HS6ST3: variants seen among roughly 807,000 people sequenced by gnomAD.
The protein encoded by HS6ST3 is heparan-sulfate 6-O-sulfotransferase 3.
Under a neutral mutation model 36.7 loss-of-function variants are expected in HS6ST3, and 12 were observed. The ratio of observed to expected loss-of-function variants is 0.33; its 90% CI spans 0.21 to 0.53. The LOEUF (loss-of-function observed/expected upper bound fraction) is 0.53, where lower values mean the gene tolerates loss of function less well. HS6ST3 is among the 20% of genes least tolerant of loss of function. The pLI is 0.95. For missense variants in HS6ST3, 584 were observed against 640.9 expected, an observed-to-expected ratio of 0.91 and a Z score of 0.96; for synonymous variants, 240 against 257.5, an observed-to-expected ratio of 0.93 and a Z score of 0.65.
intron 1 of HS6ST3, among the ~76,000 whole-genome samples, chr13:96,795,084 G>A (rs1877877161): frequency 6.6e-6 from 1 of 151,890 alleles, no homozygotes; most frequent in Non-Finnish European, 1.5e-5. Context: ...TAAAAAAATA[G>A]CTCACTGCCT....
intron 1 of HS6ST3, among the ~76,000 whole-genome samples, chr13:96,603,718 A>G (rs979260901): frequency 5.9e-5 from 9 of 152,200 alleles, no homozygotes; most frequent in Non-Finnish European, 4.4e-5. Flanking sequence ...TTTTAATGCA[A>G]TAATTTATAC....
intron 1 of HS6ST3, among the ~76,000 whole-genome samples, chr13:96,521,857 TCTG>T (rs1366402741): frequency 6.6e-6 from 1 of 152,200 alleles, no homozygotes; most frequent in Non-Finnish European, 1.5e-5. Context: ...CTCCTTCAGT[TCTG>T]CTCTAATCTT....
intron 1 of HS6ST3, among the ~76,000 whole-genome samples, chr13:96,205,127 G>A (rs577254909): frequency 1.3e-5 from 2 of 151,188 alleles, no homozygotes; most frequent in African/African-American, 2.4e-5. Flanking sequence ...CAATGAACAC[G>A]ATCAGAAATA....
intron 1 of HS6ST3, among the ~76,000 whole-genome samples, chr13:96,279,946 T>C (rs1393101044): frequency 6.6e-6 from 1 of 152,208 alleles, no homozygotes; most frequent in Non-Finnish European, 1.5e-5. Context: ...ATCTAATCAT[T>C]TTGTATAAAA....
At chr13:96,333,620 G>A (rs972423254) in intron 1 of HS6ST3, among the ~76,000 whole-genome samples, 1 of 152,134 alleles carries the variant, frequency 6.6e-6, no homozygotes, top group African/African-American at 2.4e-5. Flanking sequence ...GAAATACATA[G>A]GGGTGGAAGT....
At chr13:96,725,336 TAGC>T (rs1446397054) in intron 1 of HS6ST3, among the ~76,000 whole-genome samples, 1 of 152,216 alleles carries the variant, frequency 6.6e-6, no homozygotes, top group African/African-American at 2.4e-5. Context: ...TTAATTCTCT[TAGC>T]AGCGTCTTGA....
In HS6ST3 at chr13:96,129,235, A is replaced by T. The variant is rs190412465; in HGVS notation, c.707+37666A>T. On this transcript the variant is annotated intron_variant, in intron 1 of 1. Coordinates refer to ENST00000376705, the MANE Select transcript of HS6ST3 (RefSeq NM_153456.4). ...ATCAAAGCTGTTTCTTAAACATGAAAATGTTGGTGGTGATATAGGCAACAG... is the reference window on the plus strand; with the variant it reads ...ATCAAAGCTGTTTCTTAAACATGAATATGTTGGTGGTGATATAGGCAACAG... Among the ~76,000 whole-genome samples, 271 of 152,298 alleles carry T rather than the reference A, an allele frequency of 1.8e-3. 2 individuals are homozygous for T. Among genetic ancestry groups the T allele is most frequent in the Non-Finnish European group, 3.1e-3 (210 of 68,022 alleles).
chr13:96,185,394 T>G (rs1010522311), intron 1 of HS6ST3, among the ~76,000 whole-genome samples: 2 of 152,244 alleles, frequency 1.3e-5, no homozygotes, highest in South Asian at 2.1e-4. Flanking sequence ...TATGACTATC[T>G]GCCCTTTAAA....
intron 1 of HS6ST3, among the ~76,000 whole-genome samples, chr13:96,822,829 T>G (rs1476743969): frequency 6.6e-6 from 1 of 152,258 alleles, no homozygotes; most frequent in African/African-American, 2.4e-5. Flanking sequence ...GTGAGGGACC[T>G]CCATCTTTCT....
intron 1 of HS6ST3, among the ~76,000 whole-genome samples, chr13:96,215,342 A>G (rs1277772857): frequency 6.6e-6 from 1 of 152,194 alleles, no homozygotes; most frequent in Admixed American, 6.5e-5. Flanking sequence ...CACAGCTTGG[A>G]TAGCTTGGAG....
chr13:96,105,582 G>A (rs747286982), intron 1 of HS6ST3, among the ~76,000 whole-genome samples: 13 of 152,208 alleles, frequency 8.5e-5, no homozygotes, highest in Admixed American at 1.3e-4. Context: ...CCCGGGAGGC[G>A]GAAGTTGCAG....
chr13:96,484,293 CTCCT>C (rs146488079), intron 1 of HS6ST3, among the ~76,000 whole-genome samples: 2,227 of 151,758 alleles, frequency 0.015, 51 homozygotes, highest in African/African-American at 0.049. Flanking sequence ...TCCTTCCTTC[CTCCT>C]TCCTTCCTTC....
chr13:96,167,578 G>C (rs2054167242), intron 1 of HS6ST3, among the ~76,000 whole-genome samples: 1 of 152,172 alleles, frequency 6.6e-6, no homozygotes, highest in Admixed American at 6.5e-5. Context: ...TATCTGTCAG[G>C]CCACTGGGTC....
At chr13:96,173,294 T>A (rs1010024680) in intron 1 of HS6ST3, among the ~76,000 whole-genome samples, 2 of 152,194 alleles carry the variant, frequency 1.3e-5, no homozygotes, top group African/African-American at 4.8e-5. Flanking sequence ...TTGTTCATGA[T>A]AGCACCATTA....
intron 1 of HS6ST3, among the ~76,000 whole-genome samples, chr13:96,572,642 A>G (rs1204177898): frequency 1.3e-5 from 2 of 149,796 alleles, no homozygotes; most frequent in African/African-American, 2.5e-5. Flanking sequence ...TCCTTACTTC[A>G]TACTCCATTC....
chr13:96,323,834 C>G (rs1035831763), intron 1 of HS6ST3, among the ~76,000 whole-genome samples: 2 of 152,202 alleles, frequency 1.3e-5, no homozygotes, highest in Non-Finnish European at 2.9e-5. Context: ...CTTCCCACCA[C>G]CAGCAGAATA....
At chr13:96,554,841 G>T (rs1034497107) in intron 1 of HS6ST3, among the ~76,000 whole-genome samples, 1 of 152,030 alleles carries the variant, frequency 6.6e-6, no homozygotes, top group South Asian at 2.1e-4. Context: ...GGCTGAAGCA[G>T]GTGGATCACT....
chr13:96,324,213 T>C (rs764536316), intron 1 of HS6ST3, among the ~76,000 whole-genome samples: 21 of 152,206 alleles, frequency 1.4e-4, no homozygotes, highest in East Asian at 3.9e-4. Context: ...AAAAACTTTA[T>C]TGAGTGGCTA....
chr13:96,615,207 G>A (rs2138991169), intron 1 of HS6ST3, among the ~76,000 whole-genome samples: 1 of 152,260 alleles, frequency 6.6e-6, no homozygotes, highest in East Asian at 1.9e-4. Context: ...AACTTACAAA[G>A]ACTATTGCTT....
Sources: gnomAD v4.1 joint callset for allele counts (sites outside exome capture counted in the v4.1 genomes callset) on GRCh38, gnomAD v4.1.1 for gene constraint, MANE v1.5 for transcripts, NCBI Gene and HGNC (gene_info 2026-07-23, HGNC 2026-07-21) for gene names.